The following LINGO2 variants were observed in gnomAD, a reference collection of about 807,000 sequenced individuals.
The protein encoded by LINGO2 is leucine rich repeat and Ig domain containing 2.
In LINGO2, 14 loss-of-function variants were observed where a neutral mutation model predicts 30.6. The observed-to-expected ratio is 0.46, with a 90% CI of 0.30 to 0.72. The LOEUF is 0.72. Ranked by LOEUF, LINGO2 falls within the 30% of genes least tolerant of loss-of-function variation. The pLI, the probability that LINGO2 is intolerant of heterozygous loss-of-function variation, is 0.07. For synonymous variants in LINGO2, 317 were observed against 288.5 expected (o/e 1.10, Z -1.00); for missense variants, 729 against 751.7 (o/e 0.97, Z 0.35).
the LINGO2 span, among the ~76,000 whole-genome samples, chr9:28,857,226 G>C: frequency 2.0e-5 from 3 of 152,108 alleles, no homozygotes; most frequent in Non-Finnish European, 4.4e-5. Context: ...GAATTTTCTA[G>C]AGAAAGTATA....
intron 4 of LINGO2, among the ~76,000 whole-genome samples, chr9:28,044,472 CAT>C (rs1372466846): frequency 2.0e-5 from 3 of 152,174 alleles, no homozygotes; most frequent in African/African-American, 4.8e-5. Flanking sequence ...TTCCTAAGAA[CAT>C]AGACAACCTG....
At chr9:27,953,981 C>T (rs564595972) in intron 5 of LINGO2, among the ~76,000 whole-genome samples, 1 of 152,160 alleles carries the variant, frequency 6.6e-6, no homozygotes, top group African/African-American at 2.4e-5. Context: ...GTGATTTTCA[C>T]TTTCTTTTTA....
chr9:28,212,043 G>A (rs1423422701), intron 4 of LINGO2, among the ~76,000 whole-genome samples: 1 of 151,340 alleles, frequency 6.6e-6, no homozygotes, highest in African/African-American at 2.4e-5. Context: ...AGACACTGTA[G>A]CATAATGAAA....
chr9:28,768,500 G>A, the LINGO2 span, among the ~76,000 whole-genome samples: 2 of 151,952 alleles, frequency 1.3e-5, no homozygotes, highest in Non-Finnish European at 1.5e-5. Flanking sequence ...CCCCCCAAAA[G>A]CTCTGATTTC....
At chr9:28,345,227 C>T (rs1819521544) in intron 3 of LINGO2, among the ~76,000 whole-genome samples, 1 of 151,968 alleles carries the variant, frequency 6.6e-6, no homozygotes, top group Admixed American at 6.6e-5. Flanking sequence ...TTAATTGTGG[C>T]TATTTAAGAA....
chr9:28,032,489 G>T (rs796493049), intron 4 of LINGO2, among the ~76,000 whole-genome samples: 7 of 152,210 alleles, frequency 4.6e-5, no homozygotes, highest in Non-Finnish European at 8.8e-5. Context: ...GGTGAATCTA[G>T]TTACAGCTTA....
chr9:28,562,789 C>A (rs1162898473), intron 1 of LINGO2, among the ~76,000 whole-genome samples: 1 of 151,968 alleles, frequency 6.6e-6, no homozygotes, highest in African/African-American at 2.4e-5. Flanking sequence ...CATATAGTTA[C>A]CACATTTAAT....
chr9:28,089,345 T>C lies in LINGO2; in HGVS notation c.-86-76940A>G, dbSNP rs539602205. Among the ~76,000 whole-genome samples, 8 of 152,110 alleles carry C rather than the reference T, an allele frequency of 5.3e-5. No homozygotes were observed. The East Asian group carries it at 7.7e-4, about 15-fold the overall frequency. On this transcript the variant is annotated intron_variant, in intron 4 of 5. Coordinates refer to ENST00000379992, the Ensembl canonical transcript of LINGO2. ...GTACATCTTAGCAAATGTAAAAGAA[T>C]AGAAATTATAACAAACTGTCTCTCA...
At chr9:28,549,481 T>TA in intron 1 of LINGO2, among the ~76,000 whole-genome samples, 1 of 152,122 alleles carries the variant, frequency 6.6e-6, no homozygotes, top group East Asian at 1.9e-4. Flanking sequence ...GGTTTAAAGT[T>TA]AAAAATGGAA....
At chr9:28,905,543 T>C in the LINGO2 span, among the ~76,000 whole-genome samples, 1 of 152,016 alleles carries the variant, frequency 6.6e-6, no homozygotes, top group Non-Finnish European at 1.5e-5. Flanking sequence ...CTTAAAAAGC[T>C]CAATATTACT....
At chr9:28,452,182 TA>T (rs1824674706) in intron 2 of LINGO2, among the ~76,000 whole-genome samples, 1 of 151,806 alleles carries the variant, frequency 6.6e-6, no homozygotes, top group South Asian at 2.1e-4. Context: ...ATATGTAAAC[TA>T]AGTCAATATT....
the LINGO2 span, among the ~76,000 whole-genome samples, chr9:28,790,520 G>C: frequency 1.3e-5 from 2 of 149,926 alleles, no homozygotes; most frequent in South Asian, 4.2e-4. Flanking sequence ...TTTTTTAGTA[G>C]AGACAGGATT....
chr9:27,976,892 C>CAA (rs1820621871), intron 5 of LINGO2, among the ~76,000 whole-genome samples: 3 of 152,060 alleles, frequency 2.0e-5, no homozygotes, highest in Non-Finnish European at 4.4e-5. Context: ...AACTGGACCA[C>CAA]TCTCGTGGTA....
At chr9:29,098,469 G>GCACACACACACACACATATT in the LINGO2 span, among the ~76,000 whole-genome samples, 5 of 146,256 alleles carry the variant, frequency 3.4e-5, no homozygotes, top group African/African-American at 1.0e-4. Context: ...ACACACATAT[G>GCACACACACACACACATATT]CGCACACACA....
the LINGO2 span, among the ~76,000 whole-genome samples, chr9:29,165,903 A>C: frequency 6.6e-6 from 1 of 152,110 alleles, no homozygotes; most frequent in Non-Finnish European, 1.5e-5. Context: ...TTTATATTTT[A>C]AAAGTTCTAT....
chr9:28,188,654 G>T (rs1038600001), intron 4 of LINGO2, among the ~76,000 whole-genome samples: 1 of 152,244 alleles, frequency 6.6e-6, no homozygotes, highest in Middle Eastern at 3.4e-3. Context: ...AGATTTCCTA[G>T]ACATTCTTAT....
chr9:28,816,934 A>C, the LINGO2 span, among the ~76,000 whole-genome samples: 1 of 152,196 alleles, frequency 6.6e-6, no homozygotes, highest in Admixed American at 6.5e-5. Flanking sequence ...TCCCTAATGT[A>C]GTATGTTCAG....
chr9:28,019,864 G>T (rs1332295819), intron 4 of LINGO2, among the ~76,000 whole-genome samples: 1 of 152,032 alleles, frequency 6.6e-6, no homozygotes, highest in African/African-American at 2.4e-5. Flanking sequence ...CTTGCCTCCT[G>T]GACTCAAGTT....
chr9:28,177,307 G>T (rs1202434999), intron 4 of LINGO2, among the ~76,000 whole-genome samples: 1 of 152,074 alleles, frequency 6.6e-6, no homozygotes, highest in African/African-American at 2.4e-5. Flanking sequence ...ACAAAAATGG[G>T]TCTCATTTGG....
Sources: allele counts gnomAD v4.1 joint callset (sites outside exome capture counted in the v4.1 genomes callset), GRCh38; gene constraint gnomAD v4.1.1; transcripts MANE v1.5; gene names NCBI Gene and HGNC (gene_info 2026-07-23, HGNC 2026-07-21).